The following ANKRD45 variants were observed in gnomAD, a reference collection of about 807,000 sequenced individuals.
ANKRD45 encodes ankyrin repeat domain-containing protein 45.
A neutral mutation model predicts 28.1 loss-of-function variants in ANKRD45; 21 were observed. The observed-to-expected ratio is 0.75, with a 90% CI of 0.53 to 1.08. ANKRD45 has a LOEUF of 1.08. ANKRD45 is among the 50% of genes least tolerant of loss of function. The pLI is 0.00. For synonymous variants in ANKRD45, 86 were observed against 103.9 expected (o/e 0.83, Z 1.05); for missense variants, 261 against 308.7 (o/e 0.85, Z 1.16).
intron 1 of ANKRD45, among the ~76,000 whole-genome samples, chr1:173,660,117 C>T (rs143685825): frequency 5.9e-5 from 9 of 151,824 alleles, no homozygotes; most frequent in Non-Finnish European, 8.8e-5. Flanking sequence ...GAAATGTGCC[C>T]GTGTTGTAAC....
intron 5 of ANKRD45, chr1:173,612,647 G>A (rs1571672506): frequency 6.5e-6 from 1 of 152,948 alleles, no homozygotes; most frequent in Non-Finnish European, 1.5e-5. Flanking sequence ...CTGAGCTGAA[G>A]CTGGACTGTA....
chr1:173,645,349 A>G (rs1668875843), intron 3 of ANKRD45, among the ~76,000 whole-genome samples: 1 of 152,136 alleles, frequency 6.6e-6, no homozygotes, highest in Admixed American at 6.6e-5. Flanking sequence ...TCTTCTACAT[A>G]ACAATTTTCA....
chr1:173,647,785 A>C (rs1669004069), intron 2 of ANKRD45, among the ~76,000 whole-genome samples: 1 of 147,780 alleles, frequency 6.8e-6, no homozygotes, highest in Non-Finnish European at 1.5e-5. Context: ...TTTGTGTCTA[A>C]ATACTCTAAA....
intron 5 of ANKRD45, among the ~76,000 whole-genome samples, chr1:173,615,048 A>T (rs551968302): frequency 6.6e-6 from 1 of 151,766 alleles, no homozygotes; most frequent in African/African-American, 2.4e-5. Flanking sequence ...TGAACTTCCA[A>T]CCTCCAGTAA....
rs1364751872 is a variant in ANKRD45, at chr1:173,609,926, G to C, written c.*219C>G. On this transcript the variant is annotated 3_prime_UTR_variant, in exon 6 of 6. Transcript: ENST00000333279. ...ATTTATACCCAAGTGCTTTCCTGAA[G>C]GAGCACGTGAAACTCACATGGGGCT... 9 of 531,052 alleles carry C rather than the reference G, an allele frequency of 1.7e-5. No individual in the cohort carries two copies. Among genetic ancestry groups the C allele is most frequent in the Non-Finnish European group, 2.7e-5 (8 of 300,688 alleles). The allele number at this position is 531,052 out of a possible 1,614,324, so 32.9% of individuals were successfully genotyped here. A position where few individuals can be genotyped will look rare whatever the true frequency, so the allele number is the denominator to read the frequency against.
At chr1:173,695,919 AC>A in the ANKRD45 span, among the ~76,000 whole-genome samples, 4 of 151,880 alleles carry the variant, frequency 2.6e-5, no homozygotes, top group African/African-American at 4.8e-5. Flanking sequence ...CTGCTCTTAA[AC>A]CCTGTCTCCT....
upstream of ANKRD45, among the ~76,000 whole-genome samples, chr1:173,671,287 G>A (rs529856253): frequency 1.6e-4 from 25 of 151,968 alleles, no homozygotes; most frequent in Non-Finnish European, 2.4e-4. Context: ...TGGATTTGCC[G>A]GGGCCTGTTT....
chr1:173,671,155 T>C (rs1670241336), upstream of ANKRD45, among the ~76,000 whole-genome samples: 1 of 152,106 alleles, frequency 6.6e-6, no homozygotes, highest in African/African-American at 2.4e-5. Context: ...TTTCTTTCCT[T>C]TTATGGATTA....
intron 5 of ANKRD45, among the ~76,000 whole-genome samples, chr1:173,612,428 A>G (rs1334749053): frequency 6.6e-6 from 1 of 152,176 alleles, no homozygotes; most frequent in Non-Finnish European, 1.5e-5. Flanking sequence ...TCAAATAGAT[A>G]TTTCTCCAGA....
At chr1:173,696,671 G>A in the ANKRD45 span, among the ~76,000 whole-genome samples, 1 of 152,144 alleles carries the variant, frequency 6.6e-6, no homozygotes, top group Admixed American at 6.6e-5. Flanking sequence ...TTCGGTTACT[G>A]TAGCCTTGTA....
At chr1:173,649,770 A>C (rs1044605568) in intron 2 of ANKRD45, among the ~76,000 whole-genome samples, 6 of 152,190 alleles carry the variant, frequency 3.9e-5, no homozygotes, top group Non-Finnish European at 5.9e-5. Flanking sequence ...ATTTTGCTTT[A>C]CACATTCATG....
intron 3 of ANKRD45, among the ~76,000 whole-genome samples, chr1:173,641,867 T>C (rs527574186): frequency 6.6e-6 from 1 of 152,230 alleles, no homozygotes; most frequent in East Asian, 1.9e-4. Flanking sequence ...TATCTATAAA[T>C]AAAAATATAG....
intron 1 of ANKRD45, among the ~76,000 whole-genome samples, chr1:173,667,129 T>C (rs1558149993): frequency 6.6e-6 from 1 of 152,198 alleles, no homozygotes. Flanking sequence ...TCAGAGATGA[T>C]ATTAATGAAA....
chr1:173,695,037 T>A, the ANKRD45 span, among the ~76,000 whole-genome samples: 2 of 152,114 alleles, frequency 1.3e-5, no homozygotes, highest in Non-Finnish European at 2.9e-5. Flanking sequence ...ATTGAGAAAT[T>A]TTATTGTCAT....
the ANKRD45 span, among the ~76,000 whole-genome samples, chr1:173,674,899 G>T: frequency 6.6e-6 from 1 of 152,156 alleles, no homozygotes; most frequent in Non-Finnish European, 1.5e-5. Context: ...TAAAAGAAAT[G>T]AGTCTCTGGT....
chr1:173,668,014 T>C (rs1407803896), intron 1 of ANKRD45, among the ~76,000 whole-genome samples: 3 of 152,236 alleles, frequency 2.0e-5, no homozygotes, highest in Non-Finnish European at 4.4e-5. Context: ...TATATAATTA[T>C]GTTACATGTG....
At chr1:173,687,991 T>C in the ANKRD45 span, among the ~76,000 whole-genome samples, 1 of 152,012 alleles carries the variant, frequency 6.6e-6, no homozygotes, top group Non-Finnish European at 1.5e-5. Context: ...TGAATCTTTT[T>C]TTTTTTTTTT....
At chr1:173,693,097 G>C in the ANKRD45 span, among the ~76,000 whole-genome samples, 1 of 152,132 alleles carries the variant, frequency 6.6e-6, no homozygotes, top group African/African-American at 2.4e-5. Flanking sequence ...TCAGGAGCTT[G>C]ACACCAGCCT....
At chr1:173,639,899 C>T (rs575942310) in intron 3 of ANKRD45, among the ~76,000 whole-genome samples, 2 of 152,166 alleles carry the variant, frequency 1.3e-5, no homozygotes, top group African/African-American at 4.8e-5. Context: ...GACAATGGAA[C>T]CTATCTCACA....
Sources: allele counts gnomAD v4.1 joint callset (sites outside exome capture counted in the v4.1 genomes callset), GRCh38; gene constraint gnomAD v4.1.1; transcripts MANE v1.5; gene names NCBI Gene and HGNC (gene_info 2026-07-23, HGNC 2026-07-21).